Variants in IFT88 observed in about 807,000 individuals in gnomAD.
IFT88 encodes intraflagellar transport 88.
In IFT88, 74 loss-of-function variants were observed where a neutral mutation model predicts 119.5. The ratio of observed to expected loss-of-function variants is 0.62; its 90% confidence interval spans 0.51 to 0.75. IFT88 has a LOEUF of 0.75. IFT88 is among the 30% of genes least tolerant of loss of function. The pLI is 0.00. For missense variants in IFT88, 961 were observed against 977.7 expected (o/e 0.98, Z 0.23); for synonymous variants, 279 against 316.7 (o/e 0.88, Z 1.26).
chr13:20,687,786 T>C (rs1205288022), intron 24 of IFT88, among the ~76,000 whole-genome samples: 2 of 151,936 alleles, frequency 1.3e-5, no homozygotes, highest in Admixed American at 6.6e-5. Flanking sequence ...ACTTCAAAAA[T>C]GCACGGCTGA....
chr13:20,617,797 A>T (rs1016429652), intron 14 of IFT88, among the ~76,000 whole-genome samples: 1 of 151,916 alleles, frequency 6.6e-6, no homozygotes, highest in Non-Finnish European at 1.5e-5. Context: ...CTTTATTTTT[A>T]TTTTATTTTT....
intron 16 of IFT88, among the ~76,000 whole-genome samples, chr13:20,634,060 T>C (rs1360212049): frequency 6.6e-6 from 1 of 152,134 alleles, no homozygotes; most frequent in Non-Finnish European, 1.5e-5. Context: ...GCTGAACTGT[T>C]GTCCAGGGCA....
At chr13:20,583,947 G>A (rs575589544) in intron 3 of IFT88, among the ~76,000 whole-genome samples, 1 of 152,192 alleles carries the variant, frequency 6.6e-6, no homozygotes, top group Admixed American at 6.5e-5. Context: ...TATATGTAAG[G>A]GTTTGTTTCT....
At chr13:20,573,968 A>G (rs1206048280) in intron 1 of IFT88, among the ~76,000 whole-genome samples, 1 of 152,250 alleles carries the variant, frequency 6.6e-6, no homozygotes, top group Non-Finnish European at 1.5e-5. Flanking sequence ...AATTGAAGCC[A>G]TGAAAATATA....
intron 22 of IFT88, among the ~76,000 whole-genome samples, chr13:20,656,926 T>C (rs1172930580): frequency 6.6e-6 from 1 of 152,182 alleles, no homozygotes; most frequent in Non-Finnish European, 1.5e-5. Context: ...TGGTGTGATC[T>C]CAGCTCACCA....
rs57202566 is a variant in IFT88, at chr13:20,578,034, C to CTTTTTTTTTTTTT, written c.90+3575_90+3587dup. On this transcript the variant is annotated intron_variant, in intron 2 of 25. Coordinates refer to ENST00000351808, the MANE Select transcript of IFT88 (RefSeq NM_006531.5). ...TATTGTGGCTTCAGTCTTGTTACTT[C>CTTTTTTTTTTTTT]TTTTTTTTTTTTTTTTTTTTTTTTT... 4.5e-4 allele frequency among the ~76,000 whole-genome samples: 25 copies of CTTTTTTTTTTTTT among 55,872 alleles called. 2 individuals carry two copies. The highest frequency in any genetic ancestry group is 1.4e-3 in the African/African-American group (22 of 15,418). The allele number at this position is 55,872 out of a possible 152,430, so 36.7% of individuals were successfully genotyped here.
At chr13:20,619,771 A>G (rs1002024885) in intron 14 of IFT88, among the ~76,000 whole-genome samples, 1 of 152,014 alleles carries the variant, frequency 6.6e-6, no homozygotes, top group Non-Finnish European at 1.5e-5. Context: ...TATGGTGTGT[A>G]TATGTTCAGC....
At chr13:20,626,418 A>G (rs1013876438) in intron 15 of IFT88, among the ~76,000 whole-genome samples, 2 of 152,142 alleles carry the variant, frequency 1.3e-5, no homozygotes, top group African/African-American at 4.8e-5. Flanking sequence ...ATTATAAACC[A>G]TATTCTATTC....
intron 2 of IFT88, 140 bp from the exon 3 acceptor site, chr13:20,582,816 AT>A: frequency 1.7e-6 from 1 of 593,486 alleles, no homozygotes; most frequent in South Asian, 2.3e-5. Flanking sequence ...AAGTGGGGAG[AT>A]TTGAGGTAGG....
At chr13:20,690,042 A>G (rs2058327966) in intron 24 of IFT88, among the ~76,000 whole-genome samples, 1 of 152,206 alleles carries the variant, frequency 6.6e-6, no homozygotes, top group South Asian at 2.1e-4. Context: ...CAGTTGGCCA[A>G]TCTTAAAATG....
In IFT88 at chr13:20,690,694, C is replaced by T. The variant is rs368238408; in HGVS notation, c.2243-11C>T. ...TATTAAACAAATGCATTTTTATTTTCGTGTTTTCAGATAGTGGCCAGAACT... is the reference window on the plus strand; with the variant it reads ...TATTAAACAAATGCATTTTTATTTTTGTGTTTTCAGATAGTGGCCAGAACT... On this transcript the variant is annotated splice_polypyrimidine_tract_variant and intron_variant, in intron 24 of 25. Coordinates refer to ENST00000351808, the MANE Select transcript of IFT88 (RefSeq NM_006531.5). The T allele has an allele frequency of 1.4e-5, 21 of 1,544,580 alleles. No individual in the cohort carries two copies. Among genetic ancestry groups the T allele is most frequent in the Middle Eastern group, 1.7e-4 (1 of 5,952 alleles).
chr13:20,640,739 T>C (rs2049804064), intron 17 of IFT88, among the ~76,000 whole-genome samples: 1 of 152,204 alleles, frequency 6.6e-6, no homozygotes, highest in Non-Finnish European at 1.5e-5. Flanking sequence ...TCTGTTCTAT[T>C]GGTCTGTTTG....
intron 13 of IFT88, among the ~76,000 whole-genome samples, chr13:20,606,492 T>A (rs2043485119): frequency 6.6e-6 from 1 of 152,172 alleles, no homozygotes; most frequent in Non-Finnish European, 1.5e-5. Context: ...GTGGAGTGTC[T>A]CCTTCCTCTG....
At chr13:20,639,539 G>T (rs1454111469) in intron 17 of IFT88, among the ~76,000 whole-genome samples, 2 of 152,190 alleles carry the variant, frequency 1.3e-5, no homozygotes. Context: ...GTCTGGGAGA[G>T]CCTCATTGAG....
chr13:20,630,292 G>A (rs2048003030), intron 15 of IFT88, among the ~76,000 whole-genome samples: 1 of 152,064 alleles, frequency 6.6e-6, no homozygotes, highest in Non-Finnish European at 1.5e-5. Flanking sequence ...TGGGACCTTG[G>A]CCTTAAAGTC....
At chr13:20,613,084 T>C (rs964467865) in intron 13 of IFT88, among the ~76,000 whole-genome samples, 1 of 152,100 alleles carries the variant, frequency 6.6e-6, no homozygotes, top group African/African-American at 2.4e-5. Flanking sequence ...AAAAAATAGA[T>C]AAATTGGACG....
At chr13:20,613,525 C>G (rs1381876132) in intron 13 of IFT88, among the ~76,000 whole-genome samples, 1 of 151,816 alleles carries the variant, frequency 6.6e-6, no homozygotes, top group East Asian at 1.9e-4. Context: ...TACAAGTGCC[C>G]CAAAAGGTTA....
At chr13:20,610,759 C>T (rs2044353663) in intron 13 of IFT88, among the ~76,000 whole-genome samples, 1 of 151,458 alleles carries the variant, frequency 6.6e-6, no homozygotes, top group Non-Finnish European at 1.5e-5. Context: ...GAAATATTAA[C>T]AAAATTTAAA....
chr13:20,630,907 T>C (rs2497489), intron 15 of IFT88, 109 bp from the exon 16 acceptor site: 83,407 of 584,660 alleles, frequency 0.14, 6,944 homozygotes, highest in African/African-American at 0.25. Flanking sequence ...CCACCCCTTT[T>C]GTGCCCTTCC....
Sources: gnomAD v4.1 joint callset for allele counts (sites outside exome capture counted in the v4.1 genomes callset) on GRCh38, gnomAD v4.1.1 for gene constraint, MANE v1.5 for transcripts, NCBI Gene and HGNC (gene_info 2026-07-23, HGNC 2026-07-21) for gene names.